Variants in LIPI observed in about 807,000 individuals in gnomAD.
The protein encoded by LIPI is lipase I, also known as lipase member I.
LIPI carries 59 observed loss-of-function variants against 50.6 expected under a neutral mutation model. That is an observed-to-expected ratio of 1.16 (90% CI 0.94 to 1.45). The LOEUF is 1.45. LIPI is among the 40% of genes most tolerant of loss of function. The probability of loss-of-function intolerance (pLI) is 0.00; values close to 1 mark genes in which losing one functional copy is unlikely to be tolerated. For missense variants in LIPI, 586 were observed against 536.3 expected (o/e 1.09, Z -0.92); for synonymous variants, 203 against 178.2 (o/e 1.14, Z -1.11).
intron 9 of LIPI, among the ~76,000 whole-genome samples, chr21:14,130,676 A>C (rs1182083483): frequency 6.6e-6 from 1 of 152,200 alleles, no homozygotes; most frequent in Non-Finnish European, 1.5e-5. Context: ...AAGTTTGAGG[A>C]GATGCAGCTG....
chr21:14,169,929 G>T (rs1304474306), intron 4 of LIPI, among the ~76,000 whole-genome samples: 1 of 152,012 alleles, frequency 6.6e-6, no homozygotes, highest in East Asian at 1.9e-4. Flanking sequence ...CCAGGAGCTG[G>T]TTTTTTGAAA....
chr21:14,111,646 T>G (rs1034457525), intron 9 of LIPI, among the ~76,000 whole-genome samples: 2 of 152,116 alleles, frequency 1.3e-5, no homozygotes, highest in Non-Finnish European at 2.9e-5. Flanking sequence ...TTTGAGGTCA[T>G]ATCCAAAATA....
chr21:14,184,524 A>C (rs1393266351), intron 3 of LIPI, among the ~76,000 whole-genome samples: 2 of 152,116 alleles, frequency 1.3e-5, no homozygotes, highest in Admixed American at 6.5e-5. Context: ...AAATTCCTAG[A>C]AAAAAAGTAA....
Position 14,144,610 on chromosome 21 carries a change from T to A in LIPI, c.1295+13A>T, listed in dbSNP as rs1470469177. ...AAAGATAACATGTTGAAATCAAAAT[T>A]TAATTTTCTTACCTTTCTGGGTATG... On this transcript the variant is annotated intron_variant, in intron 9 of 9. Coordinates refer to ENST00000681601, the MANE Select transcript of LIPI (RefSeq NM_001302998.2). 7.1e-7 allele frequency: 1 copy of A among 1,410,148 alleles called. No homozygotes were observed. The highest frequency in any genetic ancestry group is 1.2e-5 in the South Asian group (1 of 83,350). The allele number at this position is 1,410,148 out of a possible 1,614,324, so 87.4% of individuals were successfully genotyped here.
intron 9 of LIPI, among the ~76,000 whole-genome samples, chr21:14,118,994 G>A (rs2016761213): frequency 6.6e-6 from 1 of 152,210 alleles, no homozygotes; most frequent in Admixed American, 6.5e-5. Flanking sequence ...TACACTGCAT[G>A]CTATTGTGCC....
At chr21:14,179,689 A>G (rs2019205491) in intron 4 of LIPI, among the ~76,000 whole-genome samples, 1 of 152,192 alleles carries the variant, frequency 6.6e-6, no homozygotes, top group Non-Finnish European at 1.5e-5. Context: ...TAATACTTTT[A>G]TAACTTCTTA....
intron 1 of LIPI, among the ~76,000 whole-genome samples, chr21:14,197,556 C>A (rs115127864): frequency 2.0e-5 from 3 of 151,354 alleles, no homozygotes. Context: ...GACAGGCAGA[C>A]AAGAGTAGAG....
rs369893111 is a variant in LIPI at position 14,128,005 on chromosome 21, G to A, written c.1295+16618C>T. On this transcript the variant is annotated intron_variant, in intron 9 of 9. Transcript: ENST00000681601. ...AGAATACAAAGTAGCCATTAACTTA[G>A]GGAAAAAAAATGCTTACAACCCAGT... Among the ~76,000 whole-genome samples, 3 of 151,984 alleles carry A rather than the reference G, an allele frequency of 2.0e-5. No individual in the cohort carries two copies. In the East Asian group the frequency reaches 5.8e-4, roughly 29 times the overall value.
chr21:14,128,005 G>C (rs369893111), intron 9 of LIPI, among the ~76,000 whole-genome samples: 1 of 151,866 alleles, frequency 6.6e-6, no homozygotes, highest in Non-Finnish European at 1.5e-5. Context: ...CATTAACTTA[G>C]GGAAAAAAAA....
chr21:14,167,434 C>T (rs1296352604), intron 4 of LIPI, among the ~76,000 whole-genome samples: 2 of 152,160 alleles, frequency 1.3e-5, no homozygotes, highest in African/African-American at 4.8e-5. Flanking sequence ...TGACCCCCGA[C>T]CTCCAAGCAG....
intron 7 of LIPI, among the ~76,000 whole-genome samples, chr21:14,162,042 T>G (rs2018516315): frequency 1.4e-5 from 2 of 147,772 alleles, no homozygotes; most frequent in South Asian, 4.3e-4. Flanking sequence ...TAGTATCCCA[T>G]AGGAACATAT....
chr21:14,135,341 C>CA (rs1272870613), intron 9 of LIPI, among the ~76,000 whole-genome samples: 1 of 152,042 alleles, frequency 6.6e-6, no homozygotes, highest in African/African-American at 2.4e-5. Flanking sequence ...CCTTCATAAC[C>CA]AAAAAATCAG....
At chr21:14,162,919 T>C (rs1325772278) in intron 7 of LIPI, among the ~76,000 whole-genome samples, 1 of 151,834 alleles carries the variant, frequency 6.6e-6, no homozygotes, top group Non-Finnish European at 1.5e-5. Flanking sequence ...TTGCTTTCTT[T>C]AATACTTCCT....
At chr21:14,158,222 G>A (rs1010528671) in intron 7 of LIPI, among the ~76,000 whole-genome samples, 2 of 151,650 alleles carry the variant, frequency 1.3e-5, no homozygotes, top group Non-Finnish European at 3.0e-5. Context: ...AAATACCTCA[G>A]GACGTTGTTA....
At chr21:14,134,128 G>C (rs1252328550) in intron 9 of LIPI, among the ~76,000 whole-genome samples, 1 of 152,166 alleles carries the variant, frequency 6.6e-6, no homozygotes, top group Non-Finnish European at 1.5e-5. Flanking sequence ...CTACTTGGGA[G>C]GCTGAGGTGG....
At chr21:14,147,295 C>T (rs773736092) in intron 8 of LIPI, among the ~76,000 whole-genome samples, 42 of 152,052 alleles carry the variant, frequency 2.8e-4, no homozygotes, top group Non-Finnish European at 5.4e-4. Flanking sequence ...TTTCTATATA[C>T]ATTATGATTT....
Position 14,108,952 on chromosome 21 carries a change from C to G in LIPI, c.*41G>C, listed in dbSNP as rs753899060. On this transcript the variant is annotated 3_prime_UTR_variant, in exon 10 of 10. Coordinates refer to ENST00000681601, the MANE Select transcript of LIPI (RefSeq NM_001302998.2). ...GATTGCATTGTTTCATTTACAAGTC[C>G]ATTAATTCACAAGCAAGTGCATTTG... The G allele has an allele frequency of 3.1e-6, 5 of 1,608,440 alleles. No individual in the cohort carries two copies. In the Admixed American group the frequency reaches 8.3e-5, roughly 27 times the overall value.
chr21:14,196,802 G>A (rs1429730918), intron 1 of LIPI, among the ~76,000 whole-genome samples: 1 of 151,884 alleles, frequency 6.6e-6, no homozygotes, highest in African/African-American at 2.4e-5. Context: ...CTCCAGCCTG[G>A]GCAACAGAAG....
chr21:14,210,746 A>G, intron 1 of LIPI, 54 bp downstream of exon 1: 1 of 697,066 alleles, frequency 1.4e-6, no homozygotes, highest in Non-Finnish European at 2.0e-6. Context: ...TACAGACCAC[A>G]CTATTTTATA....
Sources: allele counts gnomAD v4.1 joint callset (sites outside exome capture counted in the v4.1 genomes callset), GRCh38; gene constraint gnomAD v4.1.1; transcripts MANE v1.5; gene names NCBI Gene and HGNC (gene_info 2026-07-23, HGNC 2026-07-21).